The following TAF8 variants were observed in gnomAD, a reference collection of about 807,000 sequenced individuals.
The protein encoded by TAF8 is transcription initiation factor TFIID subunit 8.
In TAF8, 47 loss-of-function variants were observed where a neutral mutation model predicts 36.5. That is an observed-to-expected ratio of 1.29 (90% CI 1.02 to 1.64). The LOEUF is 1.64. Among genes scored for constraint, TAF8 ranks in the 40% most tolerant of loss-of-function variants. The probability of loss-of-function intolerance (pLI) is 0.00; values close to 1 mark genes in which losing one functional copy is unlikely to be tolerated. For synonymous variants in TAF8, 175 were observed against 159.5 expected, an observed-to-expected ratio of 1.10 and a Z score of -0.73; for missense variants, 420 against 407.6, an observed-to-expected ratio of 1.03 and a Z score of -0.26.
chr6:42,058,922 C>T (rs1365200373), intron 5 of TAF8, among the ~76,000 whole-genome samples: 1 of 152,142 alleles, frequency 6.6e-6, no homozygotes, highest in African/African-American at 2.4e-5. Context: ...TCTGTCTTCA[C>T]ATGGCATTCT....
In TAF8 at chr6:42,079,056, A is replaced by T; in HGVS notation, c.*1511A>T. ...AGAATCACTTGAACCTGGGAGGCGGAGGTTGCAGTGAGCCGAGATCGTGCC... is the reference window on the plus strand; with the variant it reads ...AGAATCACTTGAACCTGGGAGGCGGTGGTTGCAGTGAGCCGAGATCGTGCC... On this transcript the variant is annotated 3_prime_UTR_variant, in exon 9 of 9. Transcript: ENST00000372977. 1.5e-6 allele frequency: 1 copy of T among 663,934 alleles called. No individual in the cohort carries two copies. The highest frequency in any genetic ancestry group is 1.9e-6 in the Non-Finnish European group (1 of 536,636). 41.1% of individuals were successfully genotyped at this position (663,934 alleles called of 1,614,324 possible).
chr6:42,075,459 A>G (rs565388179), intron 7 of TAF8, among the ~76,000 whole-genome samples: 63 of 152,276 alleles, frequency 4.1e-4, no homozygotes, highest in African/African-American at 1.5e-3. Flanking sequence ...GGGAACCTAG[A>G]TGTGATCTGG....
chr6:42,061,201 A>G (rs1196096447), intron 5 of TAF8, among the ~76,000 whole-genome samples: 1 of 152,346 alleles, frequency 6.6e-6, no homozygotes, highest in East Asian at 1.9e-4. Context: ...ACAATTGACT[A>G]GGAATTTTGG....
At position 42,068,612 on chromosome 6, in the gene TAF8, G is replaced by T; in HGVS notation, c.780+5G>T. ...CTTGCTCTTCATATCAGCATGGTGGGTTCCACCTTCTGCCTACCTCAGAGT... is the reference window on the plus strand; with the variant it reads ...CTTGCTCTTCATATCAGCATGGTGGTTTCCACCTTCTGCCTACCTCAGAGT... On this transcript the variant is annotated splice_donor_5th_base_variant and intron_variant, in intron 7 of 8. Coordinates refer to ENST00000372977, the MANE Select transcript of TAF8 (RefSeq NM_138572.3). 6.2e-7 allele frequency: 1 copy of T among 1,611,992 alleles called. No homozygotes were observed. Among genetic ancestry groups the T allele is most frequent in the Non-Finnish European group, 8.5e-7 (1 of 1,179,918 alleles).
chr6:42,066,486 C>CT, intron 6 of TAF8, 27 bp downstream of exon 6: 1 of 1,612,502 alleles, frequency 6.2e-7, no homozygotes, highest in East Asian at 2.2e-5. Context: ...TGTGTGGACC[C>CT]TGTCTTATTT....
At position 42,081,629 on chromosome 6, in the gene TAF8, A is replaced by G. The variant is rs1765929193; in HGVS notation, c.*4084A>G. 6.6e-6 allele frequency: 1 copy of G among 152,168 alleles called. No individual in the cohort carries two copies. The highest frequency in any genetic ancestry group is 1.5e-5 in the Non-Finnish European group (1 of 68,090). The allele number at this position is 152,168 out of a possible 1,614,324, so 9.4% of individuals were successfully genotyped here. On this transcript the variant is annotated 3_prime_UTR_variant, in exon 9 of 9. Transcript: ENST00000372977. ...CATGATCCGCCCGCCTCGGCCTCCC[A>G]AAGTGCTGGGATTACAGGCATGAGC...
In TAF8 at chr6:42,051,428, G is replaced by T. The variant is rs754630858; in HGVS notation, c.117G>T (p.Val39=). 3 of 1,614,034 alleles carry T rather than the reference G, an allele frequency of 1.9e-6. No homozygotes were observed. The highest frequency in any genetic ancestry group is 4.5e-5 in the East Asian group (2 of 44,892). The change falls in exon 2 of 9, where the codon GTG becomes GTT. Residue 39 remains valine, a synonymous_variant. Coordinates refer to ENST00000372977, the MANE Select transcript of TAF8 (RefSeq NM_138572.3). ...TGGCCCGGAGGAGAACCCTGCAGGT[G>T]GTTGTGAGCTCCTTGCTGACAGAGG... ...YHLARRRTLQ[V]VVSSLLTEAG...
Position 42,078,609 on chromosome 6 carries a change from G to A in TAF8, c.*1064G>A. The A allele has an allele frequency of 1.0e-6, 1 of 985,428 alleles. No individual in the cohort carries two copies. The highest frequency in any genetic ancestry group is 1.2e-6 in the Non-Finnish European group (1 of 829,952). 61.0% of individuals were successfully genotyped at this position (985,428 alleles called of 1,614,324 possible). On this transcript the variant is annotated 3_prime_UTR_variant, in exon 9 of 9. Transcript: ENST00000372977. Reference sequence around the variant, plus strand: ...ACTGTGAAGAAGAACGACATGTCGGGGCTGCACCTGTCCTCCCGTCGGCAT... The same window carrying A: ...ACTGTGAAGAAGAACGACATGTCGGAGCTGCACCTGTCCTCCCGTCGGCAT...
chr6:42,060,293 C>G (rs1399430920), intron 5 of TAF8, among the ~76,000 whole-genome samples: 1 of 152,212 alleles, frequency 6.6e-6, no homozygotes, highest in Admixed American at 6.5e-5. Flanking sequence ...TAATTTTTCT[C>G]TCTCCAGTCC....
chr6:42,053,308 A>T (rs60386692), intron 2 of TAF8, among the ~76,000 whole-genome samples: 1 of 152,312 alleles, frequency 6.6e-6, no homozygotes, highest in Non-Finnish European at 1.5e-5. Flanking sequence ...CACGCCTGTA[A>T]TCCCAGCACT....
downstream of TAF8, among the ~76,000 whole-genome samples, chr6:42,084,174 C>T (rs577890744): frequency 2.5e-5 from 3 of 117,930 alleles, no homozygotes; most frequent in African/African-American, 1.1e-4. Context: ...GAGCGAGACT[C>T]TGTCTCAAAA....
chr6:42,077,209 C>T lies in TAF8; in HGVS notation c.890C>T (p.Pro297Leu), dbSNP rs781551114. The part of the protein sequence containing the change: ...ENIIDNPYLR[P>L]VKKPKIRRKK... ...ATCATCGATAACCCTTATCTGCGGC[C>T]GGTGAAGAAGCCCAAGATCCGCAGG... is the stretch of plus-strand genomic sequence containing the variant. The change falls in exon 8 of 9, where the codon CCG becomes CTG. Residue 297 changes from proline to leucine, a missense_variant. Transcript: ENST00000372977. 1.5e-5 allele frequency: 24 copies of T among 1,613,746 alleles called. No homozygotes were observed. Among genetic ancestry groups the T allele is most frequent in the Non-Finnish European group, 1.9e-5 (23 of 1,179,782 alleles).
At chr6:42,056,293 G>C in intron 4 of TAF8, 1 of 317,856 alleles carries the variant, frequency 3.1e-6, no homozygotes, top group South Asian at 3.4e-5. Flanking sequence ...GAAAGTTTTT[G>C]TTCTTCTTAG....
At chr6:42,053,973 C>A (rs1192976041) in intron 2 of TAF8, among the ~76,000 whole-genome samples, 1 of 152,168 alleles carries the variant, frequency 6.6e-6, no homozygotes, top group Non-Finnish European at 1.5e-5. Context: ...TCTTGTTAGA[C>A]ACCCTTCCCT....
At chr6:42,086,066 A>C (rs56340838), downstream of TAF8, among the ~76,000 whole-genome samples, 35,982 of 152,218 alleles carry the variant, frequency 0.24, 4,946 homozygotes, top group African/African-American at 0.37. Flanking sequence ...CAGACGCCGA[A>C]TCAGCCTTGA....
intron 2 of TAF8, among the ~76,000 whole-genome samples, chr6:42,053,140 CCCAAG>C (rs1405211554): frequency 6.6e-6 from 1 of 152,160 alleles, no homozygotes; most frequent in Non-Finnish European, 1.5e-5. Flanking sequence ...AACTTCTGGA[CCCAAG>C]CCTCCCACAT....
intron 7 of TAF8, among the ~76,000 whole-genome samples, chr6:42,074,951 G>A (rs1376789787): frequency 5.9e-5 from 9 of 151,702 alleles, no homozygotes; most frequent in African/African-American, 1.5e-4. Flanking sequence ...GAAGCCTGCC[G>A]TCCTGCTCTT....
chr6:42,072,715 T>A (rs1420727336), intron 7 of TAF8, among the ~76,000 whole-genome samples: 3 of 151,908 alleles, frequency 2.0e-5, no homozygotes, highest in African/African-American at 7.3e-5. Context: ...AGTAAATAAC[T>A]GGTTTTTTTG....
chr6:42,063,936 A>G (rs868421213), intron 5 of TAF8, among the ~76,000 whole-genome samples: 1 of 152,200 alleles, frequency 6.6e-6, no homozygotes, highest in Non-Finnish European at 1.5e-5. Context: ...TCTTGGTTTA[A>G]TACTTGATGG....
Sources: allele counts gnomAD v4.1 joint callset (sites outside exome capture counted in the v4.1 genomes callset), GRCh38; gene constraint gnomAD v4.1.1; transcripts MANE v1.5; gene names NCBI Gene and HGNC (gene_info 2026-07-23, HGNC 2026-07-21).